CDH13: variants seen among roughly 807,000 people sequenced by gnomAD.
CDH13 encodes cadherin-13.
CDH13 carries 24 observed loss-of-function variants against 63.8 expected under a neutral mutation model. That is an observed-to-expected ratio of 0.38 (90% CI 0.27 to 0.53). The LOEUF is 0.53. Ranked by LOEUF, CDH13 falls within the 20% of genes least tolerant of loss-of-function variation. CDH13 has a pLI of 0.85. For missense variants in CDH13, 1,049 were observed against 903.1 expected, an observed-to-expected ratio of 1.16 and a Z score of -2.07; for synonymous variants, 503 against 355.3, an observed-to-expected ratio of 1.42 and a Z score of -4.67.
intron 10 of CDH13, among the ~76,000 whole-genome samples, chr16:83,746,800 A>C (rs1912627476): frequency 1.3e-5 from 2 of 152,224 alleles, no homozygotes; most frequent in African/African-American, 4.8e-5. Flanking sequence ...ACCCAATTCA[A>C]AGAAAGCTGA....
chr16:82,918,718 A>G (rs2151277077), intron 2 of CDH13, among the ~76,000 whole-genome samples: 1 of 152,198 alleles, frequency 6.6e-6, no homozygotes, highest in Admixed American at 6.5e-5. Flanking sequence ...CGTGTTGGCC[A>G]GGCTGGTCTT....
chr16:83,443,045 G>A (rs904839763), intron 6 of CDH13, among the ~76,000 whole-genome samples: 2 of 152,258 alleles, frequency 1.3e-5, no homozygotes, highest in African/African-American at 4.8e-5. Context: ...CCACTCTGCA[G>A]TGCTACAGCT....
chr16:83,614,687 C>T (rs1186605407), intron 8 of CDH13, among the ~76,000 whole-genome samples: 1 of 152,140 alleles, frequency 6.6e-6, no homozygotes, highest in African/African-American at 2.4e-5. Flanking sequence ...CAGGAAGAAG[C>T]TTTCCCCAAT....
intron 5 of CDH13, among the ~76,000 whole-genome samples, chr16:83,322,139 G>C (rs1339006110): frequency 6.6e-6 from 1 of 151,176 alleles, no homozygotes; most frequent in Non-Finnish European, 1.5e-5. Flanking sequence ...GATCGTTGAG[G>C]GGGGTCAGGA....
At position 82,858,380 on chromosome 16, in the gene CDH13, G is replaced by A. The variant is rs1424536545; in HGVS notation, c.64G>A (p.Ala22Thr). The change falls in exon 2 of 14, where the codon GCA becomes ACA. Residue 22 changes from alanine (A) to threonine (T), a missense_variant. Physicochemically the swap from Ala to Thr is moderately conservative, Grantham distance 58. Coordinates refer to ENST00000567109, the MANE Select transcript of CDH13 (RefSeq NM_001257.5). ...TTCTCAGGTGCTGCTGCTAACATCT[G>A]CAGAAGATTTGGACTGCACTCCTGG... is the stretch of plus-strand genomic sequence containing the variant. ...LLSQVLLLTS[A>T]EDLDCTPGFQ... 2 of 1,612,766 alleles carry A rather than the reference G, an allele frequency of 1.2e-6. No individual in the cohort carries two copies. Among genetic ancestry groups the A allele is most frequent in the Non-Finnish European group, 1.7e-6 (2 of 1,178,922 alleles).
intron 2 of CDH13, among the ~76,000 whole-genome samples, chr16:82,942,225 G>A (rs898490732): frequency 6.6e-5 from 10 of 152,096 alleles, no homozygotes; most frequent in African/African-American, 2.4e-4. Context: ...GTGAGGTAGA[G>A]GTCAAGATGT....
chr16:82,875,693 ATCTC>A (rs1041600439), intron 2 of CDH13, among the ~76,000 whole-genome samples: 1 of 152,248 alleles, frequency 6.6e-6, no homozygotes, highest in Non-Finnish European at 1.5e-5. Context: ...GATTTTATCT[ATCTC>A]AACAATGCAA....
chr16:82,952,755 A>G (rs1402266850), intron 2 of CDH13, among the ~76,000 whole-genome samples: 2 of 152,180 alleles, frequency 1.3e-5, no homozygotes, highest in African/African-American at 2.4e-5. Context: ...ACTGTCCACC[A>G]TTCTCTACTC....
Position 83,217,329 on chromosome 16 carries a change from C to T in CDH13, c.484-16C>T, listed in dbSNP as rs755298957. ...TTTCCAGGCAGTTTTAAATGTCTCT[C>T]TGTTTTTCTGACTAGGTAGTCGATA... On this transcript the variant is annotated splice_polypyrimidine_tract_variant and intron_variant, in intron 4 of 13. Coordinates refer to ENST00000567109, the MANE Select transcript of CDH13 (RefSeq NM_001257.5). 7 of 1,613,594 alleles carry T rather than the reference C, an allele frequency of 4.3e-6. No homozygotes were observed. Among genetic ancestry groups the T allele is most frequent in the Admixed American group, 1.7e-5 (1 of 60,012 alleles).
At chr16:82,656,577 T>A (rs1292382071) in intron 1 of CDH13, among the ~76,000 whole-genome samples, 1 of 152,142 alleles carries the variant, frequency 6.6e-6, no homozygotes, top group Non-Finnish European at 1.5e-5. Flanking sequence ...CATTGACACA[T>A]CATTATCACT....
At chr16:82,748,443 C>G (rs2034275491) in intron 1 of CDH13, among the ~76,000 whole-genome samples, 1 of 152,122 alleles carries the variant, frequency 6.6e-6, no homozygotes, top group African/African-American at 2.4e-5. Flanking sequence ...GGAATCATCT[C>G]TTGGTAGTGT....
At chr16:83,462,696 C>T (rs1296916928) in intron 6 of CDH13, among the ~76,000 whole-genome samples, 1 of 152,150 alleles carries the variant, frequency 6.6e-6, no homozygotes, top group Non-Finnish European at 1.5e-5. Context: ...GTGGAGGTTG[C>T]AGTAAGTCAA....
At chr16:82,849,163 G>C (rs1276260449) in intron 1 of CDH13, among the ~76,000 whole-genome samples, 1 of 152,162 alleles carries the variant, frequency 6.6e-6, no homozygotes, top group East Asian at 1.9e-4. Context: ...GCTAGCAGAG[G>C]TTAGTGTGTG....
chr16:83,625,188 TCATGTGTGTGTGTG>T (rs1194185550), intron 8 of CDH13, among the ~76,000 whole-genome samples: 3 of 151,266 alleles, frequency 2.0e-5, no homozygotes, highest in Non-Finnish European at 4.4e-5. Flanking sequence ...GTGTGTGTGC[TCATGTGTGTGTGTG>T]CATGTGTGTG....
intron 2 of CDH13, among the ~76,000 whole-genome samples, chr16:83,005,974 A>G (rs1250760040): frequency 1.3e-5 from 2 of 152,186 alleles, no homozygotes; most frequent in East Asian, 1.9e-4. Flanking sequence ...TAATGTTGCA[A>G]AAGTCCTTCA....
At chr16:82,666,449 A>G (rs1341734542) in intron 1 of CDH13, among the ~76,000 whole-genome samples, 1 of 152,202 alleles carries the variant, frequency 6.6e-6, no homozygotes, top group Non-Finnish European at 1.5e-5. Flanking sequence ...TTCCTTCCAC[A>G]TGGAGACCCA....
intron 5 of CDH13, among the ~76,000 whole-genome samples, chr16:83,250,763 C>T (rs1448971822): frequency 6.6e-6 from 1 of 152,184 alleles, no homozygotes; most frequent in Non-Finnish European, 1.5e-5. Context: ...TCTAAGTGCA[C>T]ATAGGAAGCA....
intron 7 of CDH13, among the ~76,000 whole-genome samples, chr16:83,521,462 A>G (rs1333471823): frequency 6.6e-6 from 1 of 152,196 alleles, no homozygotes; most frequent in Non-Finnish European, 1.5e-5. Context: ...CACCACCAAC[A>G]CAGTGTAAAC....
At chr16:83,338,747 A>C (rs2090656758) in intron 5 of CDH13, among the ~76,000 whole-genome samples, 3 of 152,196 alleles carry the variant, frequency 2.0e-5, no homozygotes, top group Admixed American at 2.0e-4. Flanking sequence ...TGTATGTAAA[A>C]ATACCTGCAA....
Sources: allele counts gnomAD v4.1 joint callset (sites outside exome capture counted in the v4.1 genomes callset), GRCh38; gene constraint gnomAD v4.1.1; transcripts MANE v1.5; gene names NCBI Gene and HGNC (gene_info 2026-07-23, HGNC 2026-07-21).